The following CEP44 variants were observed in gnomAD, a reference collection of about 807,000 sequenced individuals.
CEP44 encodes the protein centrosomal protein of 44 kDa.
Under a neutral mutation model 46.7 loss-of-function variants are expected in CEP44, and 45 were observed. The ratio of observed to expected loss-of-function variants is 0.96; its 90% CI spans 0.76 to 1.24. CEP44 has a LOEUF of 1.24. Ranked by LOEUF, CEP44 falls within the 50% of genes most tolerant of loss-of-function variation. The pLI is 0.00. For synonymous variants in CEP44, 142 were observed against 146.0 expected (o/e 0.97, Z 0.20); for missense variants, 475 against 459.7 (o/e 1.03, Z -0.30).
chr4:174,318,554 G>C lies in CEP44; in HGVS notation c.*1171G>C. 1.2e-6 allele frequency: 1 copy of C among 855,828 alleles called. No homozygotes were observed. The highest frequency in any genetic ancestry group is 1.8e-5 in the African/African-American group (1 of 54,658). The allele number at this position is 855,828 out of a possible 1,614,324, so 53.0% of individuals were successfully genotyped here. ...TAAACTTGTAGATAAAAGTGTTCCAGTAATCAGAAAATCCTCAAGAAAATT... is the reference window on the plus strand; with the variant it reads ...TAAACTTGTAGATAAAAGTGTTCCACTAATCAGAAAATCCTCAAGAAAATT... On this transcript the variant is annotated 3_prime_UTR_variant, in exon 12 of 12. Coordinates refer to ENST00000503780, the MANE Select transcript of CEP44 (RefSeq NM_001040157.3).
chr4:174,291,841 A>G (rs1738265626), intron 1 of CEP44, among the ~76,000 whole-genome samples: 4 of 116,786 alleles, frequency 3.4e-5, no homozygotes, highest in South Asian at 2.9e-4. Flanking sequence ...CCCAGGCTGG[A>G]GTGCAGTGAC....
rs185629114 is a variant in CEP44 at position 174,331,380 on chromosome 4, G to A, written c.1087-102G>A. 2.1e-4 allele frequency: 255 copies of A among 1,216,722 alleles called. 2 individuals are homozygous for A. In the Admixed American group the frequency reaches 5.4e-3, roughly 26 times the overall value. 75.4% of individuals were successfully genotyped at this position (1,216,722 alleles called of 1,614,324 possible). ...CAGAGTACCTATTATGGAAGAGGAG[G>A]AAATATTAATAGCACTCTGACACTG... On this transcript the variant is annotated intron_variant, in intron 8 of 8. Transcript: ENST00000426172. This position sits in a 1 kb window ranked among gnomAD's most constrained non-coding sequence, Gnocchi z 4.5.
At chr4:174,320,706 G>GTA (rs1265679762), downstream of CEP44, among the ~76,000 whole-genome samples, 6 of 150,470 alleles carry the variant, frequency 4.0e-5, no homozygotes, top group Non-Finnish European at 5.9e-5. Flanking sequence ...GTGTGTGTAT[G>GTA]TGTGTGTGTG....
In CEP44 at chr4:174,331,584, T is replaced by A; in HGVS notation, c.1189T>A (p.Ser397Thr). ...ATCACAGAGCTTTGCTTGGCCTCTCTCCTGTGTGTAATCTCTGTTTCTTGG... is the reference window on the plus strand; with the variant it reads ...ATCACAGAGCTTTGCTTGGCCTCTCACCTGTGTGTAATCTCTGTTTCTTGG... Residue 397 changes from serine (S) to threonine (T), a missense_variant, in exon 9 of 9, where the codon TCC becomes ACC. Physicochemically the swap from Ser to Thr is moderately conservative, Grantham distance 58. Transcript: ENST00000426172. The surrounding 1 kb of genome is among the most constrained non-coding windows in gnomAD (Gnocchi z 4.5). The A allele has an allele frequency of 6.4e-7, 1 of 1,551,392 alleles. No homozygotes were observed. The highest frequency in any genetic ancestry group is 1.2e-5 in the South Asian group (1 of 84,032).
In CEP44 at chr4:174,290,246, T is replaced by C. The variant is rs1050309089; in HGVS notation, c.-148+6303T>C. Among the ~76,000 whole-genome samples the C allele has an allele frequency of 6.6e-6, 1 of 152,210 alleles. No individual in the cohort carries two copies. Among genetic ancestry groups the C allele is most frequent in the South Asian group, 2.1e-4 (1 of 4,826 alleles). On this transcript the variant is annotated intron_variant, in intron 1 of 11. Transcript: ENST00000503780. This position sits in a 1 kb window ranked among gnomAD's most constrained non-coding sequence, Gnocchi z 4.3. Reference sequence around the variant, plus strand: ...ATGTTTGGGTATACTGTGTTTTTATTATTGTTTGTCTTGAGATATTTTATA... The same window carrying C: ...ATGTTTGGGTATACTGTGTTTTTATCATTGTTTGTCTTGAGATATTTTATA...
chr4:174,315,502 A>G (rs1354809586), intron 9 of CEP44, among the ~76,000 whole-genome samples: 1 of 152,154 alleles, frequency 6.6e-6, no homozygotes, highest in Non-Finnish European at 1.5e-5. Context: ...TTTTTAAAAG[A>G]TATATATGGT....
rs1739662737 is a variant in CEP44, at chr4:174,301,184, A to G, written c.90-855A>G. 2.0e-5 allele frequency among the ~76,000 whole-genome samples: 3 copies of G among 152,192 alleles called. No individual in the cohort carries two copies. Among genetic ancestry groups the G allele is most frequent in the Non-Finnish European group, 4.4e-5 (3 of 68,012 alleles). On this transcript the variant is annotated intron_variant, in intron 3 of 11. Transcript: ENST00000503780. This position sits in a 1 kb window ranked among gnomAD's most constrained non-coding sequence, Gnocchi z 4.3. ...GAACATCTTGAATTTTTTGGAAAAC[A>G]TTTGCTTTATATAAGTACAAAATAC... is the stretch of plus-strand genomic sequence containing the variant.
At chr4:174,295,672 C>T (rs532596080) in intron 1 of CEP44, among the ~76,000 whole-genome samples, 6 of 151,688 alleles carry the variant, frequency 4.0e-5, no homozygotes, top group South Asian at 4.2e-4. Context: ...GCCGAGATCA[C>T]GCCACTGCAC....
intron 1 of CEP44, among the ~76,000 whole-genome samples, chr4:174,285,213 T>G (rs1402110687): frequency 2.6e-5 from 4 of 152,236 alleles, no homozygotes; most frequent in Admixed American, 2.0e-4. Flanking sequence ...ATGTTAAATT[T>G]TTAAAAGTAT....
rs1737230678 is a variant in CEP44 at position 174,283,920 on chromosome 4, C to T, written c.-171C>T. Reference sequence around the variant, plus strand: ...AGGAATCCTGGAGCACAGAGAAGCTCCCAGCTTTGAAGGTCTTGCGGTGGT... The same window carrying T: ...AGGAATCCTGGAGCACAGAGAAGCTTCCAGCTTTGAAGGTCTTGCGGTGGT... On this transcript the variant is annotated 5_prime_UTR_variant, in exon 1 of 12. Transcript: ENST00000503780. This position sits in a 1 kb window ranked among gnomAD's most constrained non-coding sequence, Gnocchi z 6.7. The T allele has an allele frequency of 2.5e-6, 1 of 398,908 alleles. No individual in the cohort carries two copies. 24.7% of individuals were successfully genotyped at this position (398,908 alleles called of 1,614,324 possible). A position where few individuals can be genotyped will look rare whatever the true frequency, so the allele number is the denominator to read the frequency against.
At chr4:174,307,101 A>T (rs1267685160) in intron 6 of CEP44, among the ~76,000 whole-genome samples, 1 of 152,270 alleles carries the variant, frequency 6.6e-6, no homozygotes, top group Admixed American at 6.5e-5. Context: ...TCAGAGAACT[A>T]AAGAAAACTA....
In CEP44 at chr4:174,309,339, A is replaced by G. The variant is rs1483787846; in HGVS notation, c.678+480A>G. On this transcript the variant is annotated intron_variant, in intron 7 of 11. Transcript: ENST00000503780. The surrounding 1 kb of genome is among the most constrained non-coding windows in gnomAD (Gnocchi z 5.3). The stretch of plus-strand genomic sequence containing the variant: ...TCTGATCTCTACTGTTTCTGCTAAG[A>G]CTTCTTTTTCTGTGTTTCTATGTCT... Among the ~76,000 whole-genome samples, 7 of 152,014 alleles carry G rather than the reference A, an allele frequency of 4.6e-5. No individual in the cohort carries two copies. The highest frequency in any genetic ancestry group is 1.4e-4 in the African/African-American group (6 of 41,496).
chr4:174,308,788 G>T lies in CEP44; in HGVS notation c.607G>T (p.Val203Leu), dbSNP rs528238232. ...AACAGATGTTAATGAAGCAGTTGAT[G>T]TGTCTGACTTAAATGCTACTGAAAT... Reference protein sequence around the residue: ...PITDVNEAVDVSDLNATEIKM... With the variant: ...PITDVNEAVDLSDLNATEIKM... The change falls in exon 7 of 12, where the codon GTG becomes TTG. Residue 203 changes from valine to leucine, a missense_variant. Coordinates refer to ENST00000503780, the MANE Select transcript of CEP44 (RefSeq NM_001040157.3). 3.7e-6 allele frequency: 6 copies of T among 1,613,326 alleles called. No individual in the cohort carries two copies. Among genetic ancestry groups the T allele is most frequent in the Non-Finnish European group, 5.1e-6 (6 of 1,179,436 alleles).
intron 4 of CEP44, among the ~76,000 whole-genome samples, chr4:174,303,384 T>C (rs538982398): frequency 4.6e-5 from 7 of 152,206 alleles, no homozygotes; most frequent in Non-Finnish European, 8.8e-5. Context: ...GGTATGGTAT[T>C]CTAGTGAACT....
chr4:174,330,098 G>A (rs911048311), intron 8 of CEP44, among the ~76,000 whole-genome samples: 3 of 152,076 alleles, frequency 2.0e-5, no homozygotes, highest in South Asian at 2.1e-4. Context: ...AAAAGTCAAA[G>A]ATCAAGTTGT....
exon 9 of CEP44, chr4:174,332,331 A>G (rs1731360820): frequency 6.6e-6 from 1 of 152,186 alleles, no homozygotes; most frequent in Admixed American, 6.5e-5. Flanking sequence ...CACAGTGGCA[A>G]TGGAAAGAAG....
At chr4:174,284,465 CA>C (rs529356128) in intron 1 of CEP44, among the ~76,000 whole-genome samples, 602 of 152,298 alleles carry the variant, frequency 4.0e-3, no homozygotes, top group African/African-American at 0.014. Context: ...GACAGGACAG[CA>C]GTTCGTGTTT....
chr4:174,322,494 G>GA (rs1457019464), downstream of CEP44, among the ~76,000 whole-genome samples: 1 of 152,128 alleles, frequency 6.6e-6, no homozygotes, highest in African/African-American at 2.4e-5. Context: ...TTTATGCTAT[G>GA]AAAAGCACCC....
In CEP44 at chr4:174,320,286, G is replaced by A. The variant is rs1742194940; in HGVS notation, c.*2903G>A. 1 of 978,684 alleles carries A rather than the reference G, an allele frequency of 1.0e-6. No homozygotes were observed. Among genetic ancestry groups the A allele is most frequent in the Admixed American group, 6.2e-5 (1 of 16,216 alleles). 60.6% of individuals were successfully genotyped at this position (978,684 alleles called of 1,614,324 possible). A position where few individuals can be genotyped will look rare whatever the true frequency, so the allele number is the denominator to read the frequency against. ...CTTGTTTTCCTCTACTGTTTTTAAT[G>A]TGATGTTGTAATATATTTTAAAAAT... On this transcript the variant is annotated 3_prime_UTR_variant, in exon 12 of 12. Transcript: ENST00000503780.
Sources: gnomAD v4.1 joint callset for allele counts (sites outside exome capture counted in the v4.1 genomes callset) on GRCh38, gnomAD v4.1.1 for gene constraint, Gnocchi (gnomAD v3.1) non-coding constraint, MANE v1.5 for transcripts, NCBI Gene and HGNC (gene_info 2026-07-23, HGNC 2026-07-21) for gene names.